The following ANKS1B variants were observed in gnomAD, a reference collection of about 807,000 sequenced individuals.
The protein encoded by ANKS1B is ankyrin repeat and sterile alpha motif domain containing 1B.
A neutral mutation model predicts 148.3 loss-of-function variants in ANKS1B; 36 were observed. The ratio of observed to expected loss-of-function variants is 0.24; its 90% CI spans 0.19 to 0.32. ANKS1B has a LOEUF of 0.32. Ranked by LOEUF, ANKS1B falls within the 10% of genes least tolerant of loss-of-function variation. ANKS1B has a pLI of 1.00. For synonymous variants in ANKS1B, 542 were observed against 560.8 expected (o/e 0.97, Z 0.47); for missense variants, 1,157 against 1,542.6 (o/e 0.75, Z 4.19).
chr12:98,888,514 T>C (rs112574300), intron 17 of ANKS1B, among the ~76,000 whole-genome samples: 3 of 152,228 alleles, frequency 2.0e-5, no homozygotes, highest in Non-Finnish European at 4.4e-5. Context: ...AGCTGCTTCA[T>C]ATTGTCTTTA....
intron 11 of ANKS1B, among the ~76,000 whole-genome samples, chr12:99,414,188 G>A (rs550459499): frequency 6.6e-6 from 1 of 151,728 alleles, no homozygotes; most frequent in South Asian, 2.1e-4. Flanking sequence ...ATATTCAACC[G>A]TATTACCTGC....
At chr12:99,076,474 G>C (rs1488706191) in intron 16 of ANKS1B, among the ~76,000 whole-genome samples, 1 of 152,168 alleles carries the variant, frequency 6.6e-6, no homozygotes, top group Non-Finnish European at 1.5e-5. Context: ...TTTGGGGTCA[G>C]ATCTGTGAGT....
At chr12:98,854,152 G>C (rs1207052003) in intron 17 of ANKS1B, among the ~76,000 whole-genome samples, 2 of 152,182 alleles carry the variant, frequency 1.3e-5, no homozygotes, top group African/African-American at 2.4e-5. Context: ...AGTTAAATAT[G>C]CATGGCACAT....
chr12:99,652,507 T>C (rs2098426875), intron 9 of ANKS1B, among the ~76,000 whole-genome samples: 1 of 151,740 alleles, frequency 6.6e-6, no homozygotes, highest in African/African-American at 2.4e-5. Flanking sequence ...AGAGAAACAT[T>C]AGTAAAATAG....
At chr12:99,239,490 T>C (rs2088792147) in intron 14 of ANKS1B, among the ~76,000 whole-genome samples, 1 of 152,156 alleles carries the variant, frequency 6.6e-6, no homozygotes, top group Non-Finnish European at 1.5e-5. Flanking sequence ...TAGAAAACAC[T>C]CTTCAGGATA....
At position 98,829,183 on chromosome 12, in the gene ANKS1B, C is replaced by T. The variant is rs750760117; in HGVS notation, c.3057G>A (p.Gln1019=). Residue 1019 remains glutamine, a synonymous_variant, in exon 19 of 27, where the codon CAG becomes CAA. Transcript: ENST00000683438. This position sits in a 1 kb window ranked among gnomAD's most constrained non-coding sequence, Gnocchi z 5.2. ...DDIPRSKLER[Q]MAQQSSVCEI... ...GCTTATAACACCTTACCTGAGCCATCTGCCTCTCCAGTTTTGATCGGGGAA... is the reference window on the plus strand; with the variant it reads ...GCTTATAACACCTTACCTGAGCCATTTGCCTCTCCAGTTTTGATCGGGGAA... 2 of 1,614,034 alleles carry T rather than the reference C, an allele frequency of 1.2e-6. No individual in the cohort carries two copies. The highest frequency in any genetic ancestry group is 1.7e-6 in the Non-Finnish European group (2 of 1,179,874).
intron 1 of ANKS1B, among the ~76,000 whole-genome samples, chr12:99,895,480 T>G (rs929413892): frequency 6.6e-6 from 1 of 150,582 alleles, no homozygotes; most frequent in African/African-American, 2.4e-5. Flanking sequence ...CTTAGTAATA[T>G]AGGATAGTAA....
intron 12 of ANKS1B, among the ~76,000 whole-genome samples, chr12:99,332,813 G>A (rs1270476375): frequency 6.6e-6 from 1 of 151,922 alleles, no homozygotes; most frequent in Non-Finnish European, 1.5e-5. Context: ...AGGCTCAAGG[G>A]CAAGAAACAG....
intron 1 of ANKS1B, among the ~76,000 whole-genome samples, chr12:99,940,873 T>C (rs1292785952): frequency 6.6e-6 from 1 of 152,118 alleles, no homozygotes; most frequent in East Asian, 1.9e-4. Flanking sequence ...GGAAGGGGCA[T>C]TTAAGTTAGA....
chr12:99,141,941 G>A (rs971391177), intron 15 of ANKS1B, among the ~76,000 whole-genome samples: 1 of 151,682 alleles, frequency 6.6e-6, no homozygotes, highest in Non-Finnish European at 1.5e-5. Flanking sequence ...CATGGAGCAA[G>A]CTTTTGGTAG....
At chr12:99,200,120 T>C (rs2081898337) in intron 14 of ANKS1B, among the ~76,000 whole-genome samples, 1 of 152,184 alleles carries the variant, frequency 6.6e-6, no homozygotes, top group African/African-American at 2.4e-5. Flanking sequence ...AACATTTCAG[T>C]TCTAACAAAA....
intron 17 of ANKS1B, chr12:98,895,084 G>A (rs1383875026): frequency 1.0e-6 from 1 of 975,888 alleles, no homozygotes; most frequent in Admixed American, 6.2e-5. Flanking sequence ...CCCGGGGTGG[G>A]CGGCGAGGCG....
chr12:99,519,276 A>C (rs2153053997), intron 9 of ANKS1B, among the ~76,000 whole-genome samples: 1 of 152,146 alleles, frequency 6.6e-6, no homozygotes, highest in Middle Eastern at 3.4e-3. Flanking sequence ...GTTTCTTTGT[A>C]GATTTTCTGT....
chr12:98,800,680 A>ATATATATATATATATATATATATATATG (rs1175770104), intron 21 of ANKS1B, among the ~76,000 whole-genome samples: 36 of 146,564 alleles, frequency 2.5e-4, no homozygotes, highest in African/African-American at 9.1e-4. Flanking sequence ...GCAGAGATAT[A>ATATATATATATATATATATATATATATG]TATATATATA....
At chr12:99,504,379 T>C in intron 10 of ANKS1B, 97 bp downstream of exon 10, 1 of 1,275,098 alleles carries the variant, frequency 7.8e-7, no homozygotes, top group Non-Finnish European at 1.1e-6. Context: ...GAACTTTCAT[T>C]TTGATAACAT....
chr12:99,268,795 A>C (rs2076718920), intron 12 of ANKS1B, among the ~76,000 whole-genome samples: 1 of 152,252 alleles, frequency 6.6e-6, no homozygotes, highest in Non-Finnish European at 1.5e-5. Context: ...ACAATATGAC[A>C]GTCAAGGGCA....
chr12:99,919,084 T>G (rs1273997143), intron 1 of ANKS1B, among the ~76,000 whole-genome samples: 1 of 152,200 alleles, frequency 6.6e-6, no homozygotes, highest in Admixed American at 6.5e-5. Context: ...CACCTGTCCT[T>G]CAGCTGGCCC....
chr12:99,496,862 C>T (rs1356746653), intron 10 of ANKS1B, among the ~76,000 whole-genome samples: 1 of 152,122 alleles, frequency 6.6e-6, no homozygotes, highest in African/African-American at 2.4e-5. Context: ...ACAATGTTGC[C>T]AGTCACAACC....
At position 99,977,756 on chromosome 12, in the gene ANKS1B, C is replaced by T. The variant is rs138023828; in HGVS notation, c.134+6348G>A. ...CTGCCTGCCCGTACGGCTTACATAA[C>T]CATGTCCTCACATGCATGAGAAAGA... On this transcript the variant is annotated intron_variant, in intron 1 of 26. Coordinates refer to ENST00000683438, the MANE Select transcript of ANKS1B (RefSeq NM_001352186.2). Among the ~76,000 whole-genome samples, 319 of 152,294 alleles carry T rather than the reference C, an allele frequency of 2.1e-3. 1 individual carries two copies. Among genetic ancestry groups the T allele is most frequent in the African/African-American group, 7.2e-3 (298 of 41,554 alleles).
Sources: allele counts gnomAD v4.1 joint callset (sites outside exome capture counted in the v4.1 genomes callset), GRCh38; gene constraint gnomAD v4.1.1; non-coding constraint Gnocchi (gnomAD v3.1); transcripts MANE v1.5; gene names NCBI Gene and HGNC (gene_info 2026-07-23, HGNC 2026-07-21).